Variants in GLYATL2 observed in about 807,000 individuals in gnomAD.
GLYATL2 encodes the protein glycine-N-acyltransferase like 2.
In GLYATL2, 25 loss-of-function variants were observed where a neutral mutation model predicts 21.4. That is an observed-to-expected ratio of 1.17 (90% confidence interval 0.85 to 1.63). The LOEUF (loss-of-function observed/expected upper bound fraction) is 1.63. GLYATL2 is among the 40% of genes most tolerant of loss of function. The probability of loss-of-function intolerance (pLI) is 0.00; values close to 1 mark genes in which losing one functional copy is unlikely to be tolerated. For missense variants in GLYATL2, 361 were observed against 343.3 expected (o/e 1.05, Z -0.41); for synonymous variants, 114 against 118.2 (o/e 0.96, Z 0.23).
intron 1 of GLYATL2, among the ~76,000 whole-genome samples, chr11:58,873,008 G>A (rs1163510493): frequency 1.3e-5 from 2 of 152,066 alleles, no homozygotes; most frequent in Non-Finnish European, 2.9e-5. Flanking sequence ...CACATCCCTT[G>A]TAAGTTGGAT....
intron 1 of GLYATL2, chr11:58,884,878 AT>A: frequency 6.1e-6 from 1 of 163,608 alleles, no homozygotes. Flanking sequence ...TTCCCTTAAC[AT>A]TTTTCTTTCA....
intron 1 of GLYATL2, among the ~76,000 whole-genome samples, chr11:58,896,360 G>A (rs192406187): frequency 3.0e-4 from 45 of 152,152 alleles, no homozygotes; most frequent in African/African-American, 8.4e-4. Context: ...ACCGCAACTC[G>A]CCCCAAACCC....
chr11:58,881,156 C>T (rs899983323), intron 1 of GLYATL2, among the ~76,000 whole-genome samples: 1 of 152,190 alleles, frequency 6.6e-6, no homozygotes, highest in Non-Finnish European at 1.5e-5. Flanking sequence ...GTTCTTACTT[C>T]ATGCCAGGTA....
chr11:58,872,232 G>A lies in GLYATL2; in HGVS notation n.60+31924C>T, dbSNP rs539051366. On this transcript the variant is annotated intron_variant and non_coding_transcript_variant, in intron 1 of 4. Coordinates refer to the GLYATL2 transcript ENST00000533636. ...GCGAAAATTTTCTCCCATTCTGTAG[G>A]TTGCCTGTTCACTCTGATGGTGGTT... 3.5e-3 allele frequency among the ~76,000 whole-genome samples: 533 copies of A among 152,214 alleles called. 2 individuals are homozygous for A. The highest frequency in any genetic ancestry group is 3.9e-3 in the Non-Finnish European group (263 of 68,000).
In GLYATL2 at chr11:58,895,543, C is replaced by T. The variant is rs542615232; in HGVS notation, n.60+8613G>A. 6.6e-5 allele frequency among the ~76,000 whole-genome samples: 10 copies of T among 152,310 alleles called. No individual in the cohort carries two copies. In the South Asian group the frequency reaches 1.9e-3, roughly 28 times the overall value. On this transcript the variant is annotated intron_variant and non_coding_transcript_variant, in intron 1 of 4. Coordinates refer to the GLYATL2 transcript ENST00000533636. ...TGTTGATGGCTGCAATCTCAGAGTG[C>T]TGGCATCTTGTCTCTAAGTCTAGAG...
rs184111643 is a variant in GLYATL2 at position 58,854,277 on chromosome 11, T to C, written n.61-15909A>G. ...TCTACAATGTACATAGAAGTGCAGA[T>C]ATCTGTTTAACATACATGCCTGCCT... On this transcript the variant is annotated intron_variant and non_coding_transcript_variant, in intron 1 of 4. Transcript: ENST00000533636. Among the ~76,000 whole-genome samples the C allele has an allele frequency of 1.6e-3, 243 of 152,310 alleles. 2 individuals carry two copies. The highest frequency in any genetic ancestry group is 5.6e-3 in the African/African-American group (234 of 41,566).
chr11:58,847,273 G>A (rs976083404), upstream of GLYATL2, among the ~76,000 whole-genome samples: 1 of 152,226 alleles, frequency 6.6e-6, no homozygotes, highest in Non-Finnish European at 1.5e-5. Flanking sequence ...ATTTCCAGCT[G>A]TGGCAGCTCT....
At chr11:58,907,630 G>T, upstream of GLYATL2, 1 of 254,242 alleles carries the variant, frequency 3.9e-6, no homozygotes. Flanking sequence ...ATTCACTGAT[G>T]TTTCTAGTCA....
At chr11:58,850,838 G>A (rs1183913100) in intron 1 of GLYATL2, among the ~76,000 whole-genome samples, 1 of 152,102 alleles carries the variant, frequency 6.6e-6, no homozygotes, top group Non-Finnish European at 1.5e-5. Flanking sequence ...CAGTTATCTG[G>A]AGGCCTAACC....
chr11:58,869,959 T>C (rs1020351493), intron 1 of GLYATL2, among the ~76,000 whole-genome samples: 2 of 152,040 alleles, frequency 1.3e-5, no homozygotes, highest in African/African-American at 4.8e-5. Flanking sequence ...AATAAAACAA[T>C]TAGCTGGGCA....
intron 1 of GLYATL2, among the ~76,000 whole-genome samples, chr11:58,889,628 A>G (rs888102434): frequency 6.6e-6 from 1 of 151,648 alleles, no homozygotes; most frequent in Non-Finnish European, 1.5e-5. Context: ...TTTTTTGGCA[A>G]TTTATATAGT....
intron 1 of GLYATL2, among the ~76,000 whole-genome samples, chr11:58,902,094 G>T (rs1854750054): frequency 6.6e-6 from 1 of 152,142 alleles, no homozygotes; most frequent in South Asian, 2.1e-4. Flanking sequence ...AGTGTTAGCT[G>T]CCAGTACTTC....
intron 1 of GLYATL2, among the ~76,000 whole-genome samples, chr11:58,842,067 T>G (rs966973026): frequency 6.6e-6 from 1 of 152,154 alleles, no homozygotes; most frequent in Non-Finnish European, 1.5e-5. Flanking sequence ...AGAGGTAAGA[T>G]GTAAGTCATT....
At position 58,839,565 on chromosome 11, in the gene GLYATL2, G is replaced by C. The variant is rs1273890777; in HGVS notation, c.48C>G (p.Ser16=). ...NSQKLQILYK[S]LEKSIPESIK... ...TGGATTCAGGGATGCTCTTTTCTAA[G>C]GATTTATACAGAATCTGCAGCTTCT... The change falls in exon 2 of 6, where the codon TCC becomes TCG. Residue 16 remains serine (S), a synonymous_variant. Transcript: ENST00000287275. 1.2e-6 allele frequency: 2 copies of C among 1,610,930 alleles called. No homozygotes were observed. Among genetic ancestry groups the C allele is most frequent in the African/African-American group, 2.7e-5 (2 of 74,786 alleles).
chr11:58,902,576 T>C (rs532176438), intron 1 of GLYATL2, among the ~76,000 whole-genome samples: 144 of 152,302 alleles, frequency 9.5e-4, no homozygotes, highest in Middle Eastern at 3.4e-3. Flanking sequence ...AAGGAATCCC[T>C]TTCCATAAAC....
intron 1 of GLYATL2, among the ~76,000 whole-genome samples, chr11:58,900,089 A>G (rs1168067939): frequency 6.6e-6 from 1 of 152,214 alleles, no homozygotes. Flanking sequence ...CCTCTGCTTT[A>G]CAGCAGAGTC....
At chr11:58,889,933 G>T (rs951468610) in intron 1 of GLYATL2, among the ~76,000 whole-genome samples, 2 of 151,988 alleles carry the variant, frequency 1.3e-5, no homozygotes, top group East Asian at 1.9e-4. Context: ...TCTGATTTTG[G>T]CTACTTTTTA....
intron 1 of GLYATL2, among the ~76,000 whole-genome samples, chr11:58,901,064 A>C (rs754195780): frequency 6.6e-6 from 1 of 152,216 alleles, no homozygotes; most frequent in Non-Finnish European, 1.5e-5. Flanking sequence ...TGAGTGAGGT[A>C]TTTAAGCGCT....
intron 1 of GLYATL2, among the ~76,000 whole-genome samples, chr11:58,899,003 C>T (rs1186846660): frequency 6.6e-6 from 1 of 152,136 alleles, no homozygotes; most frequent in African/African-American, 2.4e-5. Flanking sequence ...ACTCAGGGGA[C>T]TGATGCCCTA....
Sources: allele counts gnomAD v4.1 joint callset (sites outside exome capture counted in the v4.1 genomes callset), GRCh38; gene constraint gnomAD v4.1.1; transcripts MANE v1.5; gene names NCBI Gene and HGNC (gene_info 2026-07-23, HGNC 2026-07-21).